The following SYNPR variants were observed in gnomAD, a reference collection of about 807,000 sequenced individuals.
SYNPR encodes the protein synaptoporin.
A neutral mutation model predicts 32.9 loss-of-function variants in SYNPR; 23 were observed. That is an observed-to-expected ratio of 0.70 (90% CI 0.50 to 0.99). The LOEUF (loss-of-function observed/expected upper bound fraction) is 0.99. Ranked by LOEUF, SYNPR falls within the 50% of genes least tolerant of loss-of-function variation. The pLI is 0.00. For synonymous variants in SYNPR, 146 were observed against 135.9 expected (o/e 1.07, Z -0.52); for missense variants, 318 against 349.3 (o/e 0.91, Z 0.71).
intron 4 of SYNPR, among the ~76,000 whole-genome samples, chr3:63,581,544 C>T (rs559867283): frequency 7.4e-5 from 10 of 134,432 alleles, no homozygotes; most frequent in African/African-American, 2.6e-4. Flanking sequence ...AACCTACAGG[C>T]AACCTGCCAT....
At chr3:63,514,216 A>T (rs1447287072) in intron 3 of SYNPR, among the ~76,000 whole-genome samples, 1 of 152,164 alleles carries the variant, frequency 6.6e-6, no homozygotes, top group East Asian at 1.9e-4. Flanking sequence ...GCAAGTCACC[A>T]TTGGGCCAGA....
intron 2 of SYNPR, among the ~76,000 whole-genome samples, chr3:63,352,412 C>T (rs751444305): frequency 6.6e-6 from 1 of 151,968 alleles, no homozygotes; most frequent in Non-Finnish European, 1.5e-5. Context: ...TCATAAAGCT[C>T]GATGGTTCAG....
At chr3:63,399,592 G>C (rs146985021) in intron 2 of SYNPR, among the ~76,000 whole-genome samples, 2 of 152,028 alleles carry the variant, frequency 1.3e-5, no homozygotes, top group Non-Finnish European at 2.9e-5. Context: ...CACTCATAAG[G>C]GTCCTCTCTC....
At chr3:63,607,926 G>C (rs72889284) in intron 4 of SYNPR, among the ~76,000 whole-genome samples, 10,416 of 152,170 alleles carry the variant, frequency 0.068, 948 homozygotes, top group African/African-American at 0.21. Context: ...ATGCCCTCGG[G>C]CAGGAAAGAA....
chr3:63,567,373 G>T (rs1242083463), intron 4 of SYNPR, among the ~76,000 whole-genome samples: 1 of 152,040 alleles, frequency 6.6e-6, no homozygotes, highest in Non-Finnish European at 1.5e-5. Context: ...AATTTGATTG[G>T]GGCATCCAGC....
At chr3:63,470,141 G>C (rs1700767753) in intron 2 of SYNPR, among the ~76,000 whole-genome samples, 1 of 152,100 alleles carries the variant, frequency 6.6e-6, no homozygotes, top group Non-Finnish European at 1.5e-5. Context: ...TAACACTTCA[G>C]CATTATGTTT....
At chr3:63,455,386 A>G (rs1469647716) in intron 2 of SYNPR, among the ~76,000 whole-genome samples, 1 of 152,130 alleles carries the variant, frequency 6.6e-6, no homozygotes, top group Non-Finnish European at 1.5e-5. Flanking sequence ...TACACTGTTC[A>G]AACTCTACTT....
At position 63,335,083 on chromosome 3, in the gene SYNPR, C is replaced by T. The variant is rs568925076; in HGVS notation, c.84+56341C>T. 1.0e-3 allele frequency among the ~76,000 whole-genome samples: 156 copies of T among 152,212 alleles called. No homozygotes were observed. In the Middle Eastern group the frequency reaches 0.037, roughly 37 times the overall value. On this transcript the variant is annotated intron_variant, in intron 2 of 5. Coordinates refer to ENST00000478300, the MANE Select transcript of SYNPR (RefSeq NM_001130003.2). ...TTAAAAGAAATGGCAGGCCTGGCGC[C>T]GTGGCTCACGCCTGTAATCCCAGCA...
upstream of SYNPR, among the ~76,000 whole-genome samples, chr3:63,226,880 G>C (rs2106870010): frequency 6.6e-6 from 1 of 152,236 alleles, no homozygotes; most frequent in East Asian, 1.9e-4. Flanking sequence ...CCAACATATA[G>C]AAATGATAAA....
At chr3:63,359,480 T>C (rs2087629122) in intron 2 of SYNPR, among the ~76,000 whole-genome samples, 1 of 152,248 alleles carries the variant, frequency 6.6e-6, no homozygotes, top group Non-Finnish European at 1.5e-5. Flanking sequence ...GCAAATTCTC[T>C]GTTACTTTGA....
intron 2 of SYNPR, among the ~76,000 whole-genome samples, chr3:63,301,505 A>G (rs919325998): frequency 6.6e-6 from 1 of 152,096 alleles, no homozygotes; most frequent in African/African-American, 2.4e-5. Context: ...ATTATTTACA[A>G]TCTCATATTG....
the SYNPR span, among the ~76,000 whole-genome samples, chr3:63,212,044 A>AT: frequency 2.2e-5 from 1 of 45,924 alleles, no homozygotes; most frequent in East Asian, 3.0e-4. Flanking sequence ...TGAACTCTTC[A>AT]TTTTTTATGG....
At chr3:63,382,717 T>G (rs1479222263) in intron 2 of SYNPR, among the ~76,000 whole-genome samples, 1 of 152,202 alleles carries the variant, frequency 6.6e-6, no homozygotes, top group Non-Finnish European at 1.5e-5. Context: ...AGTCGTCTTA[T>G]GTGTGTTTTA....
chr3:63,518,732 C>T (rs186477979), intron 3 of SYNPR, among the ~76,000 whole-genome samples: 33 of 152,266 alleles, frequency 2.2e-4, no homozygotes, highest in East Asian at 3.9e-4. Context: ...CCCACCTTCA[C>T]AACACCCTTC....
chr3:63,437,254 A>G (rs1052900668), intron 2 of SYNPR, among the ~76,000 whole-genome samples: 1 of 152,072 alleles, frequency 6.6e-6, no homozygotes, highest in Non-Finnish European at 1.5e-5. Context: ...CTATCAAACA[A>G]CCTGGCAAAG....
At chr3:63,410,662 A>G (rs971259892) in intron 2 of SYNPR, among the ~76,000 whole-genome samples, 5 of 152,122 alleles carry the variant, frequency 3.3e-5, no homozygotes, top group African/African-American at 1.2e-4. Context: ...CAAAGTAGGA[A>G]CCTAAAAACT....
At chr3:63,476,151 G>GGAAGGAAGGAAGGAAGGAAAGA (rs1559510421) in intron 2 of SYNPR, among the ~76,000 whole-genome samples, 1 of 29,590 alleles carries the variant, frequency 3.4e-5, no homozygotes, top group African/African-American at 1.5e-4. Context: ...GGAAGGAAGG[G>GGAAGGAAGGAAGGAAGGAAAGA]AGGGAGGGAG....
chr3:63,299,928 T>A (rs2086826251), intron 2 of SYNPR, among the ~76,000 whole-genome samples: 1 of 152,126 alleles, frequency 6.6e-6, no homozygotes, highest in Admixed American at 6.6e-5. Context: ...CTTTAGACTA[T>A]CTCCTGTGCA....
chr3:63,430,029 G>A (rs1699964494), intron 2 of SYNPR, among the ~76,000 whole-genome samples: 1 of 152,220 alleles, frequency 6.6e-6, no homozygotes, highest in African/African-American at 2.4e-5. Flanking sequence ...AAGGCTTGGT[G>A]ACATATCCTT....
Sources: allele counts gnomAD v4.1 joint callset (sites outside exome capture counted in the v4.1 genomes callset), GRCh38; gene constraint gnomAD v4.1.1; transcripts MANE v1.5; gene names NCBI Gene and HGNC (gene_info 2026-07-23, HGNC 2026-07-21).